The following GARNL3 variants were observed in gnomAD, a reference collection of about 807,000 sequenced individuals.
The protein encoded by GARNL3 is GTPase-activating Rap/Ran-GAP domain-like protein 3.
GARNL3 carries 63 observed loss-of-function variants against 125.0 expected under a neutral mutation model. The ratio of observed to expected loss-of-function variants is 0.50; its 90% confidence interval spans 0.41 to 0.62. The LOEUF is 0.62. GARNL3 is among the 20% of genes least tolerant of loss of function. GARNL3 has a pLI of 0.00. For missense variants in GARNL3, 994 were observed against 1,244.0 expected (o/e 0.80, Z 3.02); for synonymous variants, 439 against 457.5 (o/e 0.96, Z 0.52).
rs1480051790 is a variant in GARNL3, at chr9:127,349,052, T to C, written c.1543+17T>C. Reference sequence around the variant, plus strand: ...TAGTGGATGGTTAGTGAGTAGCTGCTCCTACAAATGTCTTTTTCATGTAAC... The same window carrying C: ...TAGTGGATGGTTAGTGAGTAGCTGCCCCTACAAATGTCTTTTTCATGTAAC... On this transcript the variant is annotated intron_variant, in intron 17 of 27. Coordinates refer to ENST00000373387, the MANE Select transcript of GARNL3 (RefSeq NM_032293.5). 7 of 1,533,906 alleles carry C rather than the reference T, an allele frequency of 4.6e-6. No individual in the cohort carries two copies. The highest frequency in any genetic ancestry group is 3.3e-5 in the Admixed American group (2 of 59,878).
chr9:127,381,904 C>T (rs1323447518), intron 22 of GARNL3, among the ~76,000 whole-genome samples: 1 of 152,052 alleles, frequency 6.6e-6, no homozygotes, highest in South Asian at 2.1e-4. Flanking sequence ...TGCACCTGGC[C>T]GCTTTTCTTT....
rs576267994 is a variant in GARNL3, at chr9:127,323,983, C to T, written c.568-1086C>T. On this transcript the variant is annotated intron_variant, in intron 6 of 27. Transcript: ENST00000373387. ...GAAATAATACAGCCAGGCGTGGTGG[C>T]TCACGCTTGTAATCCCAGCACTTTG... Among the ~76,000 whole-genome samples the T allele has an allele frequency of 9.9e-5, 15 of 152,220 alleles. No homozygotes were observed. The East Asian group carries it at 2.9e-3, about 29-fold the overall frequency.
chr9:127,326,021 C>G (rs560013305), intron 7 of GARNL3, among the ~76,000 whole-genome samples: 1 of 152,316 alleles, frequency 6.6e-6, no homozygotes, highest in East Asian at 1.9e-4. Flanking sequence ...ATCGTCAGCT[C>G]CACACTCAAC....
intron 1 of GARNL3, among the ~76,000 whole-genome samples, chr9:127,241,450 G>A (rs562881862): frequency 6.6e-6 from 1 of 151,970 alleles, no homozygotes; most frequent in Admixed American, 6.6e-5. Context: ...ACAGAACCCT[G>A]GTTTCTTGCG....
Position 127,385,100 on chromosome 9 carries a change from G to T in GARNL3, c.2343G>T (p.Leu781=), listed in dbSNP as rs758599066. ...MEIRLVVNGN[L]VHTAVVPQLQ... is the part of the protein sequence containing the mutation. The stretch of plus-strand genomic sequence containing the variant: ...TCCGCCTGGTGGTGAACGGGAACCT[G>T]GTCCACACTGCAGTCGTGCCGCAGC... Residue 781 remains leucine (L), a synonymous_variant, in exon 24 of 28, where the codon CTG becomes CTT. Coordinates refer to ENST00000373387, the MANE Select transcript of GARNL3 (RefSeq NM_032293.5). This position sits in a 1 kb window ranked among gnomAD's most constrained non-coding sequence, Gnocchi z 4.1. 2.5e-6 allele frequency: 4 copies of T among 1,612,680 alleles called. No individual in the cohort carries two copies. The South Asian group carries it at 4.4e-5, about 18-fold the overall frequency.
intron 2 of GARNL3, among the ~76,000 whole-genome samples, chr9:127,302,233 C>T (rs1187112185): frequency 1.3e-5 from 2 of 151,970 alleles, no homozygotes; most frequent in South Asian, 2.1e-4. Context: ...TGAGCCACCG[C>T]GCTCGGCCGG....
At chr9:127,314,842 T>A (rs1187270771) in intron 4 of GARNL3, among the ~76,000 whole-genome samples, 1 of 152,166 alleles carries the variant, frequency 6.6e-6, no homozygotes, top group Non-Finnish European at 1.5e-5. Flanking sequence ...CCCACTTAGA[T>A]GAGACAGTTT....
chr9:127,264,265 G>T, upstream of GARNL3: 1 of 290,620 alleles, frequency 3.4e-6, no homozygotes, highest in East Asian at 6.0e-5. Flanking sequence ...TAACAATTTT[G>T]CCCTTGTTTT....
rs1280393703 is a variant in GARNL3 at position 127,280,540 on chromosome 9, C to G, written c.145-10628C>G. On this transcript the variant is annotated intron_variant, in intron 1 of 27. Transcript: ENST00000373387. The surrounding 1 kb of genome is among the most constrained non-coding windows in gnomAD (Gnocchi z 4.5). Reference sequence around the variant, plus strand: ...ATAATTACCACAGATTTGTTCTGTTCCAAGCAACAAAGCCAGACACCAAAT... The same window carrying G: ...ATAATTACCACAGATTTGTTCTGTTGCAAGCAACAAAGCCAGACACCAAAT... Among the ~76,000 whole-genome samples, 1 of 152,192 alleles carries G rather than the reference C, an allele frequency of 6.6e-6. No individual in the cohort carries two copies. Among genetic ancestry groups the G allele is most frequent in the African/African-American group, 2.4e-5 (1 of 41,430 alleles).
Position 127,299,661 on chromosome 9 carries a change from C to T in GARNL3, c.219+8419C>T, listed in dbSNP as rs556236789. On this transcript the variant is annotated intron_variant, in intron 2 of 27. Coordinates refer to ENST00000373387, the MANE Select transcript of GARNL3 (RefSeq NM_032293.5). ...TCTCAGCTCACTGCAAGCTCCGCCT[C>T]CCGGGTTCATGCCATTCTCCTGCCT... Among the ~76,000 whole-genome samples, 7 of 152,282 alleles carry T rather than the reference C, an allele frequency of 4.6e-5. No individual in the cohort carries two copies. In the South Asian group the frequency reaches 8.3e-4, roughly 18 times the overall value.
At chr9:127,368,561 C>A (rs1831421436) in intron 22 of GARNL3, among the ~76,000 whole-genome samples, 1 of 149,002 alleles carries the variant, frequency 6.7e-6, no homozygotes, top group Non-Finnish European at 1.5e-5. Context: ...GAACTCCTGA[C>A]CTCAGGTGAT....
chr9:127,346,628 G>T (rs572551039), intron 16 of GARNL3, among the ~76,000 whole-genome samples: 2 of 152,334 alleles, frequency 1.3e-5, no homozygotes, highest in African/African-American at 4.8e-5. Flanking sequence ...ACCATAACTT[G>T]TTCACCAGGT....
At chr9:127,332,064 A>T (rs1588874148) in intron 7 of GARNL3, among the ~76,000 whole-genome samples, 1 of 152,136 alleles carries the variant, frequency 6.6e-6, no homozygotes, top group Admixed American at 6.5e-5. Flanking sequence ...ATAAAAGCAT[A>T]CAGTCTCATC....
chr9:127,228,082 C>G (rs2062944321), intron 1 of GARNL3, among the ~76,000 whole-genome samples: 1 of 152,186 alleles, frequency 6.6e-6, no homozygotes, highest in East Asian at 1.9e-4. Context: ...AATGTTTTAA[C>G]TTGCTTTTCC....
chr9:127,241,621 A>G (rs1385147936), intron 1 of GARNL3, among the ~76,000 whole-genome samples: 2 of 152,126 alleles, frequency 1.3e-5, no homozygotes, highest in East Asian at 1.9e-4. Context: ...AAGCCAGGTC[A>G]TCATTTATAA....
At chr9:127,315,909 G>A (rs2065228403) in intron 4 of GARNL3, among the ~76,000 whole-genome samples, 1 of 152,178 alleles carries the variant, frequency 6.6e-6, no homozygotes, top group African/African-American at 2.4e-5. Context: ...ACACACACCT[G>A]TTACACAGGG....
chr9:127,389,771 A>T (rs2131841714), intron 26 of GARNL3, among the ~76,000 whole-genome samples: 1 of 152,178 alleles, frequency 6.6e-6, no homozygotes, highest in South Asian at 2.1e-4. Flanking sequence ...AAATAAAAAA[A>T]TTAGCCAGCC....
In GARNL3 at chr9:127,333,109, C is replaced by G; in HGVS notation, c.757C>G (p.Leu253Val). ...GGGCTGGACGGGCTACCGTGGCGGT[C>G]TGGATACCAAAAGTAAGCCTGCCTC... Reference protein sequence around the residue: ...LKGWTGYRGGLDTKNDTTGIH... With the variant: ...LKGWTGYRGGVDTKNDTTGIH... Residue 253 changes from leucine (L) to valine (V), a missense_variant, in exon 9 of 28, where the codon CTG (leucine) becomes GTG (valine). Around this residue, in one of 5 missense-constraint regions of GARNL3, gnomAD observed 71 missense variants for 66.2 expected, o/e 1.07. Coordinates refer to ENST00000373387, the MANE Select transcript of GARNL3 (RefSeq NM_032293.5). The G allele has an allele frequency of 1.2e-6, 2 of 1,613,252 alleles. No homozygotes were observed. The highest frequency in any genetic ancestry group is 1.7e-6 in the Non-Finnish European group (2 of 1,179,260).
chr9:127,310,096 G>C (rs2065055202), intron 2 of GARNL3, among the ~76,000 whole-genome samples: 1 of 152,180 alleles, frequency 6.6e-6, no homozygotes, highest in Non-Finnish European at 1.5e-5. Flanking sequence ...TGAGTTAATT[G>C]ATAAATGATT....
Sources: gnomAD v4.1 joint callset for allele counts (sites outside exome capture counted in the v4.1 genomes callset) on GRCh38, gnomAD v4.1.1 for gene constraint, gnomAD v4.1.1 regional missense constraint, Gnocchi (gnomAD v3.1) non-coding constraint, MANE v1.5 for transcripts, NCBI Gene and HGNC (gene_info 2026-07-23, HGNC 2026-07-21) for gene names.